The following KLF8 variants were observed in gnomAD, a reference collection of about 807,000 sequenced individuals.
KLF8 encodes the protein KLF transcription factor 8.
KLF8 carries 10 observed loss-of-function variants against 18.2 expected under a neutral mutation model. The observed-to-expected ratio is 0.55, with a 90% CI of 0.34 to 0.93. The LOEUF (loss-of-function observed/expected upper bound fraction) is 0.93, where lower values mean the gene tolerates loss of function less well. KLF8 is among the 40% of genes least tolerant of loss of function. The pLI, the probability that KLF8 is intolerant of heterozygous loss-of-function variation, is 0.02. For missense variants in KLF8, 264 were observed against 277.9 expected, an observed-to-expected ratio of 0.95 and a Z score of 0.36; for synonymous variants, 109 against 97.3, an observed-to-expected ratio of 1.12 and a Z score of -0.71.
the KLF8 span, among the ~76,000 whole-genome samples, chrX:56,023,303 T>C: frequency 8.9e-6 from 1 of 111,882 alleles, no homozygotes; most frequent in African/African-American, 3.3e-5. Context: ...TAGATGTGAA[T>C]CCTATTTTAT....
chrX:56,271,989 T>C (rs2067063305), intron 5 of KLF8, among the ~76,000 whole-genome samples: 1 of 112,028 alleles, frequency 8.9e-6, no homozygotes, highest in Admixed American at 9.5e-5. Context: ...ACCTCTCGAC[T>C]CTTAAACTGA....
At chrX:55,960,058 G>T in the KLF8 span, among the ~76,000 whole-genome samples, 1 of 111,879 alleles carries the variant, frequency 8.9e-6, no homozygotes, top group African/African-American at 3.2e-5. Flanking sequence ...TTTCAGCAGA[G>T]ACTTGCAAGC....
At chrX:56,109,961 T>C in the KLF8 span, among the ~76,000 whole-genome samples, 10 of 108,684 alleles carry the variant, frequency 9.2e-5, no homozygotes, top group Non-Finnish European at 1.7e-4. Flanking sequence ...ATAGGCTCCA[T>C]TGTGTGTTGT....
the KLF8 span, among the ~76,000 whole-genome samples, chrX:56,179,583 A>G: frequency 1.6e-4 from 18 of 112,048 alleles, no homozygotes; most frequent in Non-Finnish European, 3.0e-4. Flanking sequence ...TTCAAAGGGA[A>G]TGCTTCCAGT....
rs769410769 is a variant in KLF8 at position 56,232,627 on chromosome X, G to C, written c.-708G>C. 9.0e-6 allele frequency: 1 copy of C among 111,461 alleles called. No individual in the cohort carries two copies. The highest frequency in any genetic ancestry group is 3.8e-4 in the South Asian group (1 of 2,644). The allele number at this position is 111,461 out of a possible 1,213,427, so 9.2% of individuals were successfully genotyped here. A position where few individuals can be genotyped will look rare whatever the true frequency, so the allele number is the denominator to read the frequency against. ...TTTTTCGCTGAAGCCCCTGCCCTGG[G>C]GCTGGTGTTCTTCTCTATGATTCTA... On this transcript the variant is annotated 5_prime_UTR_variant, in exon 1 of 6. Transcript: ENST00000468660.
chrX:55,973,779 T>C, the KLF8 span, among the ~76,000 whole-genome samples: 20 of 111,917 alleles, frequency 1.8e-4, no homozygotes, highest in Non-Finnish European at 3.4e-4. Flanking sequence ...GGAATGTAGT[T>C]TGAAGAATTC....
At chrX:56,248,306 G>T (rs1302165434) in intron 1 of KLF8, among the ~76,000 whole-genome samples, 1 of 106,298 alleles carries the variant, frequency 9.4e-6, no homozygotes, top group Non-Finnish European at 1.9e-5. Context: ...CTTAAAGTAT[G>T]AAAAAAAAAA....
chrX:55,943,850 C>G, the KLF8 span, among the ~76,000 whole-genome samples: 1 of 112,306 alleles, frequency 8.9e-6, no homozygotes, highest in African/African-American at 3.2e-5. Flanking sequence ...CGAATCTACC[C>G]TGCACACATG....
chrX:56,227,912 CA>C (rs1350515894), upstream of KLF8, among the ~76,000 whole-genome samples: 106 of 109,546 alleles, frequency 9.7e-4, no homozygotes, highest in African/African-American at 3.5e-3. Context: ...CACACACACA[CA>C]CACACCTAGT....
the KLF8 span, chrX:55,961,387 C>T: frequency 2.0e-6 from 1 of 491,271 alleles, no homozygotes; most frequent in East Asian, 4.0e-5. Flanking sequence ...AAAGATGAAT[C>T]TGGGAGTTTG....
chrX:56,037,027 G>A, the KLF8 span, among the ~76,000 whole-genome samples: 1 of 107,005 alleles, frequency 9.3e-6, no homozygotes, highest in Non-Finnish European at 2.0e-5. Flanking sequence ...CAACTTTACT[G>A]ATTTATCAAT....
At chrX:56,035,734 A>G in the KLF8 span, among the ~76,000 whole-genome samples, 1 of 111,186 alleles carries the variant, frequency 9.0e-6, no homozygotes, top group African/African-American at 3.3e-5. Flanking sequence ...CATTTTTTTC[A>G]TATATTTGTT....
chrX:55,980,592 C>T, the KLF8 span, among the ~76,000 whole-genome samples: 41 of 111,425 alleles, frequency 3.7e-4, 2 homozygotes, highest in Non-Finnish European at 4.5e-4. Flanking sequence ...GTCTATTCAC[C>T]GTGCATAATT....
chrX:56,151,301 G>A, the KLF8 span, among the ~76,000 whole-genome samples: 1 of 111,625 alleles, frequency 9.0e-6, no homozygotes, highest in Non-Finnish European at 1.9e-5. Context: ...CACTCTGGCT[G>A]CTTATAAAGA....
chrX:55,963,593 T>C, the KLF8 span, among the ~76,000 whole-genome samples: 1 of 111,989 alleles, frequency 8.9e-6, no homozygotes, highest in Non-Finnish European at 1.9e-5. Context: ...TATATATTCA[T>C]TCAACACTGG....
At chrX:56,014,065 A>G in the KLF8 span, among the ~76,000 whole-genome samples, 1 of 112,039 alleles carries the variant, frequency 8.9e-6, no homozygotes. Flanking sequence ...CATTCAGGAC[A>G]TAGGCACGGG....
chrX:55,973,975 C>G, the KLF8 span, among the ~76,000 whole-genome samples: 1 of 111,828 alleles, frequency 8.9e-6, no homozygotes, highest in African/African-American at 3.2e-5. Context: ...AAATATGGTA[C>G]ATATACACCA....
intron 5 of KLF8, among the ~76,000 whole-genome samples, chrX:56,283,272 C>G (rs978707046): frequency 4.5e-5 from 5 of 112,253 alleles, no homozygotes; most frequent in African/African-American, 1.6e-4. Flanking sequence ...CCATTACATG[C>G]CCTTGAGTTT....
At chrX:56,174,425 C>A in the KLF8 span, among the ~76,000 whole-genome samples, 16 of 111,946 alleles carry the variant, frequency 1.4e-4, no homozygotes, top group South Asian at 4.1e-3. Context: ...TTGAACCAGC[C>A]TTGCATCCCA....
Sources: gnomAD v4.1 joint callset for allele counts (sites outside exome capture counted in the v4.1 genomes callset) on GRCh38, gnomAD v4.1.1 for gene constraint, MANE v1.5 for transcripts, NCBI Gene and HGNC (gene_info 2026-07-23, HGNC 2026-07-21) for gene names.